EDA: variants seen among roughly 807,000 people sequenced by gnomAD.
EDA encodes ectodysplasin A.
EDA carries 2 observed loss-of-function variants against 23.6 expected under a neutral mutation model. The observed-to-expected ratio is 0.08, with a 90% CI of 0.03 to 0.27. The LOEUF (loss-of-function observed/expected upper bound fraction) is 0.27, where lower values mean the gene tolerates loss of function less well. Among genes scored for constraint, EDA ranks in the 10% least tolerant of loss-of-function variants. The pLI is 1.00. For synonymous variants in EDA, 131 were observed against 132.0 expected (o/e 0.99, Z 0.05); for missense variants, 229 against 324.2 (o/e 0.71, Z 2.26).
chrX:69,722,705 T>C lies in EDA; in HGVS notation c.396+106001T>C, dbSNP rs929437285. ...GGTTATGTCTATTTCATTACACTAGTAGAGCTATGAATACCAACTTAAGAG... is the reference window on the plus strand; with the variant it reads ...GGTTATGTCTATTTCATTACACTAGCAGAGCTATGAATACCAACTTAAGAG... On this transcript the variant is annotated intron_variant, in intron 1 of 7. Transcript: ENST00000374552. Among the ~76,000 whole-genome samples, 123 of 111,471 alleles carry C rather than the reference T, an allele frequency of 1.1e-3. 1 individual carries two copies. The highest frequency in any genetic ancestry group is 5.3e-4 in the Non-Finnish European group (28 of 53,112).
At chrX:69,701,735 C>T (rs950106006) in intron 1 of EDA, among the ~76,000 whole-genome samples, 1 of 110,988 alleles carries the variant, frequency 9.0e-6, no homozygotes, top group East Asian at 2.8e-4. Context: ...TCTGGGTTTT[C>T]GTCAGGACCC....
chrX:69,787,920 C>G (rs1304866432), intron 1 of EDA, among the ~76,000 whole-genome samples: 1 of 111,951 alleles, frequency 8.9e-6, no homozygotes, highest in Admixed American at 9.5e-5. Flanking sequence ...CCATCACTTT[C>G]AGGTACACCA....
chrX:69,872,001 A>G (rs758935927), intron 1 of EDA, among the ~76,000 whole-genome samples: 5 of 111,722 alleles, frequency 4.5e-5, no homozygotes, highest in Non-Finnish European at 9.4e-5. Flanking sequence ...TGAGACAAAA[A>G]CATCAGGAAA....
intron 1 of EDA, among the ~76,000 whole-genome samples, chrX:69,883,436 G>A (rs937407327): frequency 8.9e-6 from 1 of 111,949 alleles, no homozygotes; most frequent in Non-Finnish European, 1.9e-5. Flanking sequence ...GTGGGCAGAT[G>A]AATTCTAGAA....
chrX:69,742,683 G>A (rs1280259267), intron 1 of EDA, among the ~76,000 whole-genome samples: 1 of 110,977 alleles, frequency 9.0e-6, no homozygotes, highest in Non-Finnish European at 1.9e-5. Flanking sequence ...ACTTTTGGTA[G>A]CTCCCTCTCA....
chrX:69,978,679 T>C (rs2019359351), intron 2 of EDA, among the ~76,000 whole-genome samples: 1 of 110,896 alleles, frequency 9.0e-6, no homozygotes. Context: ...AGAAACCCTT[T>C]AGCTATTATC....
At chrX:69,874,049 G>C (rs1055315632) in intron 1 of EDA, among the ~76,000 whole-genome samples, 1 of 112,139 alleles carries the variant, frequency 8.9e-6, no homozygotes, top group Admixed American at 9.4e-5. Flanking sequence ...GGTAGCTCAC[G>C]CCTGTAATCC....
intron 1 of EDA, among the ~76,000 whole-genome samples, chrX:69,694,730 C>G (rs2804319): frequency 0.31 from 34,080 of 111,212 alleles, 4,903 homozygotes; most frequent in Middle Eastern, 0.56. Flanking sequence ...AGAATTATGA[C>G]TTATCATTAT....
intron 1 of EDA, among the ~76,000 whole-genome samples, chrX:69,677,292 T>A (rs1478927076): frequency 1.8e-5 from 2 of 108,370 alleles, no homozygotes; most frequent in East Asian, 5.8e-4. Flanking sequence ...TAAACATACG[T>A]GTGCATGTGT....
intron 1 of EDA, among the ~76,000 whole-genome samples, chrX:69,794,863 A>G (rs1487243388): frequency 1.8e-5 from 2 of 111,440 alleles, no homozygotes; most frequent in African/African-American, 6.5e-5. Context: ...TGAAATAAGG[A>G]CTAGGTTTGT....
intron 1 of EDA, among the ~76,000 whole-genome samples, chrX:69,954,059 A>G (rs1228526085): frequency 1.8e-5 from 2 of 111,692 alleles, no homozygotes; most frequent in Non-Finnish European, 3.8e-5. Context: ...TCAAATTTTT[A>G]TAAAGTACAA....
chrX:69,758,923 G>A (rs1045280301), intron 1 of EDA, among the ~76,000 whole-genome samples: 12 of 112,155 alleles, frequency 1.1e-4, no homozygotes, highest in Non-Finnish European at 2.3e-4. Flanking sequence ...TTATGAAACC[G>A]ATTGTCAAGT....
chrX:69,964,323 T>C (rs1439604502), intron 2 of EDA, among the ~76,000 whole-genome samples: 1 of 111,098 alleles, frequency 9.0e-6, no homozygotes, highest in African/African-American at 3.3e-5. Flanking sequence ...TGCATACTCC[T>C]GGGAATTCTG....
intron 1 of EDA, among the ~76,000 whole-genome samples, chrX:69,872,121 A>G (rs1405167087): frequency 3.6e-5 from 4 of 111,924 alleles, no homozygotes; most frequent in Non-Finnish European, 7.5e-5. Flanking sequence ...ACAATTATCA[A>G]TGAAGAATTT....
chrX:69,862,526 T>A (rs1347304235), intron 1 of EDA, among the ~76,000 whole-genome samples: 1 of 111,510 alleles, frequency 9.0e-6, no homozygotes, highest in Admixed American at 9.5e-5. Context: ...CTCACTGCAG[T>A]CTCAACCTCC....
intron 1 of EDA, 153 bp from the exon 2 acceptor site, chrX:69,956,874 A>G: frequency 1.0e-5 from 5 of 481,555 alleles, no homozygotes. Context: ...TATCAAAAAT[A>G]AAATGGTTTG....
intron 1 of EDA, among the ~76,000 whole-genome samples, chrX:69,764,261 G>A (rs1167708859): frequency 6.1e-5 from 1 of 16,393 alleles, no homozygotes; most frequent in African/African-American, 3.3e-4. Flanking sequence ...TTTTTTTTTT[G>A]AGACAGAGTC....
chrX:69,676,014 A>G (rs1321105081), intron 1 of EDA, among the ~76,000 whole-genome samples: 2 of 111,152 alleles, frequency 1.8e-5, no homozygotes, highest in Non-Finnish European at 3.8e-5. Context: ...ATGGGGGAGA[A>G]CATGAGTGTT....
chrX:69,736,454 C>T (rs1297506488), intron 1 of EDA, among the ~76,000 whole-genome samples: 3 of 109,313 alleles, frequency 2.7e-5, no homozygotes, highest in Admixed American at 9.7e-5. Flanking sequence ...CTCAGCTTCC[C>T]GAGTAGGTGG....
Sources: gnomAD v4.1 joint callset for allele counts (sites outside exome capture counted in the v4.1 genomes callset) on GRCh38, gnomAD v4.1.1 for gene constraint, MANE v1.5 for transcripts, NCBI Gene and HGNC (gene_info 2026-07-23, HGNC 2026-07-21) for gene names.